Variants in TMX2 observed in about 807,000 individuals in gnomAD.
TMX2 encodes the protein thioredoxin-related transmembrane protein 2.
A neutral mutation model predicts 33.4 loss-of-function variants in TMX2; 20 were observed. The ratio of observed to expected loss-of-function variants is 0.60; its 90% confidence interval spans 0.42 to 0.87. The LOEUF (loss-of-function observed/expected upper bound fraction) is 0.87. Among genes scored for constraint, TMX2 ranks in the 40% least tolerant of loss-of-function variants. The pLI, the probability that TMX2 is intolerant of heterozygous loss-of-function variation, is 0.00. For missense variants in TMX2, 340 were observed against 370.7 expected, an observed-to-expected ratio of 0.92 and a Z score of 0.68; for synonymous variants, 166 against 140.7, an observed-to-expected ratio of 1.18 and a Z score of -1.27.
At position 57,739,037 on chromosome 11, in the gene TMX2, G is replaced by A. The variant is rs780109862; in HGVS notation, c.612G>A (p.Thr204=). The change falls in exon 6 of 8, where the codon ACG becomes ACA. Residue 204 remains threonine (T), a splice_region_variant and synonymous_variant. Coordinates refer to ENST00000278422, the MANE Select transcript of TMX2 (RefSeq NM_015959.4). Reference sequence around the variant, plus strand: ...TTGGACGCTATACTGATGTTAGTACGCGGTATGTAAAGACCTGGGCAGAGG... The same window carrying A: ...TTGGACGCTATACTGATGTTAGTACACGGTATGTAAAGACCTGGGCAGAGG... ...VDVGRYTDVS[T]RYKVSTSPLT... The A allele has an allele frequency of 3.4e-5, 55 of 1,613,906 alleles. 1 individual carries two copies. The South Asian group carries it at 3.5e-4, about 10-fold the overall frequency.
intron 1 of TMX2, among the ~76,000 whole-genome samples, chr11:57,723,599 G>A (rs1185888968): frequency 3.3e-5 from 5 of 150,974 alleles, no homozygotes; most frequent in Non-Finnish European, 4.4e-5. Context: ...TCAGGAGTTC[G>A]AGACCAGCCT....
At chr11:57,721,328 TTAAA>T (rs1045354665) in intron 1 of TMX2, among the ~76,000 whole-genome samples, 2 of 149,584 alleles carry the variant, frequency 1.3e-5, no homozygotes, top group Admixed American at 6.9e-5. Context: ...AATGTTTTAT[TTAAA>T]TAAATAAATA....
chr11:57,718,533 C>T, intron 1 of TMX2: 1 of 714,836 alleles, frequency 1.4e-6, no homozygotes, highest in South Asian at 1.5e-5. Flanking sequence ...TTGACCATGG[C>T]TGATAGTACA....
rs543923708 is a variant in TMX2, at chr11:57,729,168, A to T, written c.190-8440A>T. 1.8e-3 allele frequency among the ~76,000 whole-genome samples: 269 copies of T among 152,268 alleles called. 1 individual carries two copies. Among genetic ancestry groups the T allele is most frequent in the African/African-American group, 6.1e-3 (254 of 41,568 alleles). On this transcript the variant is annotated intron_variant, in intron 1 of 7. Coordinates refer to ENST00000278422, the MANE Select transcript of TMX2 (RefSeq NM_015959.4). ...CAAATCTAAGACTAAGGAGAAAATG[A>T]GGAGAATGTCCCCTTTTCGGGTCCT...
At chr11:57,730,902 T>C (rs1948341486) in intron 1 of TMX2, among the ~76,000 whole-genome samples, 2 of 152,176 alleles carry the variant, frequency 1.3e-5, no homozygotes, top group Admixed American at 1.3e-4. Context: ...TTAAAGGGGT[T>C]GTATAATTCG....
chr11:57,737,888 G>A (rs2135645406), intron 2 of TMX2, 25 bp from the exon 3 acceptor site: 1 of 1,614,200 alleles, frequency 6.2e-7, no homozygotes, highest in Non-Finnish European at 8.5e-7. Context: ...AGCCCAGCCT[G>A]ACCTGTGACA....
intron 1 of TMX2, among the ~76,000 whole-genome samples, chr11:57,733,348 C>T (rs72928102): frequency 0.28 from 40,987 of 148,962 alleles, 6,667 homozygotes; most frequent in East Asian, 0.79. Context: ...CTCCGCCTCT[C>T]GGGTTCAAGC....
rs1191976911 is a variant in TMX2 at position 57,719,033 on chromosome 11, ATTT to A, written c.189+6246_189+6248del. 4.1e-3 allele frequency among the ~76,000 whole-genome samples: 289 copies of A among 70,584 alleles called. 3 individuals are homozygous for A. The highest frequency in any genetic ancestry group is 0.038 in the Middle Eastern group (3 of 78). The allele number at this position is 70,584 out of a possible 152,430, so 46.3% of individuals were successfully genotyped here. A position where few individuals can be genotyped will look rare whatever the true frequency, so the allele number is the denominator to read the frequency against. On this transcript the variant is annotated intron_variant, in intron 1 of 7. Coordinates refer to ENST00000278422, the MANE Select transcript of TMX2 (RefSeq NM_015959.4). ...TGATATTCAGGCCATATATATATAT[ATTT>A]TTTTTTTTTTTTTTTTTTTGAGACA...
chr11:57,733,536 C>T (rs1210786847), intron 1 of TMX2, among the ~76,000 whole-genome samples: 2 of 151,670 alleles, frequency 1.3e-5, no homozygotes, highest in East Asian at 1.9e-4. Flanking sequence ...CGATTACAGG[C>T]GTGAGTCACC....
At chr11:57,739,344 C>G in intron 7 of TMX2, 84 bp downstream of exon 7, 1 of 1,448,134 alleles carries the variant, frequency 6.9e-7, no homozygotes, top group Non-Finnish European at 9.6e-7. Flanking sequence ...ATTCACAGCT[C>G]TGCCACTTGC....
At chr11:57,738,283 G>C in intron 3 of TMX2, 71 bp from the exon 4 acceptor site, 1 of 1,156,146 alleles carries the variant, frequency 8.6e-7, no homozygotes, top group East Asian at 2.3e-5. Context: ...GAAATCCTTG[G>C]GTTGGTTTGG....
chr11:57,721,873 A>G (rs889204212), intron 1 of TMX2, among the ~76,000 whole-genome samples: 2 of 152,148 alleles, frequency 1.3e-5, no homozygotes, highest in African/African-American at 2.4e-5. Flanking sequence ...TCATAGACCT[A>G]TTAATTTGAG....
chr11:57,733,705 TTATCC>T (rs1223647178), intron 1 of TMX2, among the ~76,000 whole-genome samples: 1 of 152,196 alleles, frequency 6.6e-6, no homozygotes, highest in Non-Finnish European at 1.5e-5. Context: ...GTTCATTCAA[TTATCC>T]TCTCTTCTGT....
At chr11:57,728,537 C>T (rs776838454) in intron 1 of TMX2, among the ~76,000 whole-genome samples, 37 of 152,100 alleles carry the variant, frequency 2.4e-4, no homozygotes, top group Non-Finnish European at 3.7e-4. Flanking sequence ...CGTCCTGAGC[C>T]CCGGACCTCC....
intron 1 of TMX2, among the ~76,000 whole-genome samples, chr11:57,715,666 G>A (rs1946941921): frequency 6.8e-6 from 1 of 148,088 alleles, no homozygotes; most frequent in African/African-American, 2.5e-5. Flanking sequence ...AATAGTGGAG[G>A]GAAGGTTGGC....
chr11:57,739,903 C>T (rs1438208695), intron 7 of TMX2, among the ~76,000 whole-genome samples, 196 bp from the exon 8 acceptor site: 3 of 152,220 alleles, frequency 2.0e-5, no homozygotes, highest in Admixed American at 6.5e-5. Context: ...ATTCTTGGCA[C>T]GGTGATTGGC....
At position 57,739,260 on chromosome 11, in the gene TMX2, G is replaced by A. The variant is rs1422705309; in HGVS notation, c.744G>A (p.Glu248=). 3 of 1,614,102 alleles carry A rather than the reference G, an allele frequency of 1.9e-6. No homozygotes were observed. The highest frequency in any genetic ancestry group is 1.1e-5 in the South Asian group (1 of 91,082). ...KGRAVSWTFS[E]ENVIREFNLN... is the part of the protein sequence containing the mutation. ...GGGCTGTCTCATGGACCTTCTCTGA[G>A]GTACCTGAAAGGAAGGGCAGGTGCA... Residue 248 remains glutamate, a splice_region_variant and synonymous_variant, in exon 7 of 8, where the codon GAG becomes GAA. Coordinates refer to ENST00000278422, the MANE Select transcript of TMX2 (RefSeq NM_015959.4).
intron 1 of TMX2, among the ~76,000 whole-genome samples, chr11:57,719,031 ATATT>A (rs529506188): frequency 0.015 from 1,255 of 81,722 alleles, 10 homozygotes; most frequent in African/African-American, 0.05. Context: ...ATATATATAT[ATATT>A]TTTTTTTTTT....
chr11:57,725,234 T>A lies in TMX2; in HGVS notation c.190-12374T>A, dbSNP rs118075877. Among the ~76,000 whole-genome samples, 182 of 152,224 alleles carry A rather than the reference T, an allele frequency of 1.2e-3. 1 individual carries two copies. Among genetic ancestry groups the A allele is most frequent in the Admixed American group, 2.0e-3 (31 of 15,278 alleles). ...AAGCCCTGACTTTTTAAGTGCAGATTAAGCCATTATTTATCTCTCCCTGTT... is the reference window on the plus strand; with the variant it reads ...AAGCCCTGACTTTTTAAGTGCAGATAAAGCCATTATTTATCTCTCCCTGTT... On this transcript the variant is annotated intron_variant, in intron 1 of 7. Transcript: ENST00000278422.
Sources: gnomAD v4.1 joint callset for allele counts (sites outside exome capture counted in the v4.1 genomes callset) on GRCh38, gnomAD v4.1.1 for gene constraint, MANE v1.5 for transcripts, NCBI Gene and HGNC (gene_info 2026-07-23, HGNC 2026-07-21) for gene names.